SLC7A11: variants seen among roughly 807,000 people sequenced by gnomAD.
SLC7A11 encodes solute carrier family 7 member 11.
SLC7A11 carries 35 observed loss-of-function variants against 54.5 expected under a neutral mutation model. The ratio of observed to expected loss-of-function variants is 0.64; its 90% CI spans 0.49 to 0.85. SLC7A11 has a LOEUF of 0.85. SLC7A11 is among the 40% of genes least tolerant of loss of function. The pLI, the probability that SLC7A11 is intolerant of heterozygous loss-of-function variation, is 0.00. For synonymous variants in SLC7A11, 230 were observed against 225.2 expected, an observed-to-expected ratio of 1.02 and a Z score of -0.19; for missense variants, 583 against 618.1, an observed-to-expected ratio of 0.94 and a Z score of 0.60.
At chr4:138,231,115 T>C (rs1050645048) in intron 3 of SLC7A11, among the ~76,000 whole-genome samples, 9 of 152,130 alleles carry the variant, frequency 5.9e-5, no homozygotes, top group Admixed American at 2.6e-4. Flanking sequence ...TTCTCACTTA[T>C]AAGTGGGAGC....
At chr4:138,181,316 C>T (rs2148412497) in intron 9 of SLC7A11, among the ~76,000 whole-genome samples, 1 of 152,036 alleles carries the variant, frequency 6.6e-6, no homozygotes, top group South Asian at 2.1e-4. Flanking sequence ...ACCTTTTTTC[C>T]TCCACATTTA....
chr4:138,205,974 C>T (rs1448827387), intron 6 of SLC7A11, among the ~76,000 whole-genome samples: 2 of 151,886 alleles, frequency 1.3e-5, no homozygotes, highest in Admixed American at 6.6e-5. Context: ...TTTATCTAGG[C>T]TTGAAATAGT....
chr4:138,207,262 G>A lies in SLC7A11; in HGVS notation c.791+7323C>T, dbSNP rs576736521. On this transcript the variant is annotated intron_variant, in intron 6 of 11. Coordinates refer to ENST00000280612, the MANE Select transcript of SLC7A11 (RefSeq NM_014331.4). The stretch of plus-strand genomic sequence containing the variant: ...ATATTTAATGTTGTCTAAGAATGTA[G>A]ATAACATTGACTTGTAATAAAAAGA... Among the ~76,000 whole-genome samples, 20 of 152,110 alleles carry A rather than the reference G, an allele frequency of 1.3e-4. No homozygotes were observed. In the East Asian group the frequency reaches 3.9e-3, roughly 29 times the overall value.
rs1290015675 is a variant in SLC7A11, at chr4:138,183,277, A to C, written c.944T>G (p.Phe315Cys). The C allele has an allele frequency of 1.9e-5, 30 of 1,611,722 alleles. No individual in the cohort carries two copies. Among genetic ancestry groups the C allele is most frequent in the Non-Finnish European group, 2.5e-5 (29 of 1,178,738 alleles). Residue 315 changes from phenylalanine to cysteine, a missense_variant, in exon 8 of 12, where the codon TTC (phenylalanine) becomes TGC (cysteine). Phe to Cys is a radical substitution (Grantham distance 205, BLOSUM62 -2). Coordinates refer to ENST00000280612, the MANE Select transcript of SLC7A11 (RefSeq NM_014331.4). ...VTFSERLLGN[F>C]SLAVPIFVAL... ...AACAAAGATCGGAACTGCTAATGAGAAATTTCCCAGTAGCCGCTCAGAAAA... is the reference window on the plus strand; with the variant it reads ...AACAAAGATCGGAACTGCTAATGAGCAATTTCCCAGTAGCCGCTCAGAAAA...
At chr4:138,210,421 G>A (rs1437715178) in intron 6 of SLC7A11, among the ~76,000 whole-genome samples, 3 of 151,946 alleles carry the variant, frequency 2.0e-5, no homozygotes, top group African/African-American at 7.2e-5. Context: ...AAGAGCTTCT[G>A]CACAGGAAAA....
chr4:138,188,719 G>A (rs2148417890), intron 6 of SLC7A11, among the ~76,000 whole-genome samples: 1 of 152,276 alleles, frequency 6.6e-6, no homozygotes, highest in South Asian at 2.1e-4. Context: ...ATAATGAAGG[G>A]AATTAGAGGA....
In SLC7A11 at chr4:138,171,918, C is replaced by T; in HGVS notation, c.*38G>A. The T allele has an allele frequency of 6.4e-7, 1 of 1,563,978 alleles. No homozygotes were observed. The highest frequency in any genetic ancestry group is 8.6e-7 in the Non-Finnish European group (1 of 1,163,724). On this transcript the variant is annotated 3_prime_UTR_variant, in exon 12 of 12. Transcript: ENST00000280612. ...AAGTAAAAATCCCTATTTTGTGTCT[C>T]CCCTTGGGCAGATTGCCAAGATCTC...
At chr4:138,180,825 C>T in intron 9 of SLC7A11, 35 bp from the exon 10 acceptor site, 1 of 1,591,900 alleles carries the variant, frequency 6.3e-7, no homozygotes, top group South Asian at 1.1e-5. Flanking sequence ...TTGGTGAATT[C>T]AGTGAAAACA....
chr4:138,212,567 T>G (rs1280557671), intron 6 of SLC7A11, among the ~76,000 whole-genome samples: 2 of 151,038 alleles, frequency 1.3e-5, no homozygotes, highest in African/African-American at 4.9e-5. Context: ...CTGTGTGCAC[T>G]AAATCATGGA....
Position 138,201,987 on chromosome 4 carries a change from A to T in SLC7A11, c.791+12598T>A, listed in dbSNP as rs550558400. 9.9e-5 allele frequency among the ~76,000 whole-genome samples: 15 copies of T among 152,248 alleles called. 1 individual carries two copies. In the South Asian group the frequency reaches 3.1e-3, roughly 32 times the overall value. On this transcript the variant is annotated intron_variant, in intron 6 of 11. Coordinates refer to ENST00000280612, the MANE Select transcript of SLC7A11 (RefSeq NM_014331.4). ...ATGCAATCCTAACTAAATTATGGGGAATGTCTAATACTGAAATGTAGCAGA... is the reference window on the plus strand; with the variant it reads ...ATGCAATCCTAACTAAATTATGGGGTATGTCTAATACTGAAATGTAGCAGA...
intron 3 of SLC7A11, among the ~76,000 whole-genome samples, chr4:138,225,496 TCAATGA>T (rs1198976139): frequency 2.6e-5 from 4 of 151,998 alleles, no homozygotes; most frequent in Admixed American, 2.6e-4. Flanking sequence ...AGGTCTGTTG[TCAATGA>T]CAAAGTGCAT....
Position 138,165,140 on chromosome 4 carries a change from C to G in SLC7A11, c.*6816G>C, listed in dbSNP as rs1736225070. On this transcript the variant is annotated 3_prime_UTR_variant, in exon 12 of 12. Transcript: ENST00000280612. The stretch of plus-strand genomic sequence containing the variant: ...CCTTGGCAACTGAAAATGAAGTTAC[C>G]ATTCCTAGGCCAAATTTTTAGACAA... 6.6e-6 allele frequency: 1 copy of G among 152,450 alleles called. No homozygotes were observed. Among genetic ancestry groups the G allele is most frequent in the Non-Finnish European group, 1.5e-5 (1 of 67,974 alleles). 9.4% of individuals were successfully genotyped at this position (152,450 alleles called of 1,614,324 possible). A position where few individuals can be genotyped will look rare whatever the true frequency, so the allele number is the denominator to read the frequency against.
At chr4:138,190,570 A>G (rs1222071431) in intron 6 of SLC7A11, among the ~76,000 whole-genome samples, 1 of 152,110 alleles carries the variant, frequency 6.6e-6, no homozygotes, top group Non-Finnish European at 1.5e-5. Flanking sequence ...ACTTTTTTGC[A>G]GAAGTACTCT....
At chr4:138,234,945 T>C (rs2148455343) in intron 2 of SLC7A11, among the ~76,000 whole-genome samples, 1 of 152,352 alleles carries the variant, frequency 6.6e-6, no homozygotes, top group Admixed American at 6.5e-5. Context: ...TTCAATTACT[T>C]ATTCAAAAAT....
rs1224586085 is a variant in SLC7A11, at chr4:138,185,872, A to AT, written c.792-629dup. ...TCTAAATGTGGCCATAATTTTGTAT[A>AT]TAAGACAAGAAAGCACAGAAGTGTT... is the stretch of plus-strand genomic sequence containing the variant. On this transcript the variant is annotated intron_variant, in intron 6 of 11. Transcript: ENST00000280612. Among the ~76,000 whole-genome samples the AT allele has an allele frequency of 2.0e-5, 3 of 152,272 alleles. No individual in the cohort carries two copies. The East Asian group carries it at 5.8e-4, about 29-fold the overall frequency.
rs776660104 is a variant in SLC7A11 at position 138,236,332 on chromosome 4, T to C, written c.397A>G (p.Ile133Val). 15 of 1,610,780 alleles carry C rather than the reference T, an allele frequency of 9.3e-6. No individual in the cohort carries two copies. The East Asian group carries it at 1.8e-4, about 19-fold the overall frequency. Residue 133 changes from isoleucine to valine, a missense_variant, in exon 2 of 12, where the codon ATA becomes GTA. Physicochemically the swap from Ile to Val is conservative, Grantham distance 29. Transcript: ENST00000280612. ...AFVRVWVELL[I>V]IRPAATAVIS... is the part of the protein sequence containing the mutation. ...TTTCTACTATGCTCTTACCGTATTA[T>C]GAGGAGTTCCACCCAGACTCGTACA...
intron 1 of SLC7A11, among the ~76,000 whole-genome samples, chr4:138,237,845 G>A (rs544264513): frequency 7.2e-6 from 1 of 139,336 alleles, no homozygotes; most frequent in East Asian, 2.2e-4. Context: ...TCTGTCTCCA[G>A]GGTTCAAGTG....
At chr4:138,234,039 A>G (rs1738146949) in intron 2 of SLC7A11, among the ~76,000 whole-genome samples, 1 of 152,200 alleles carries the variant, frequency 6.6e-6, no homozygotes, top group South Asian at 2.1e-4. Flanking sequence ...CACAGTGCTT[A>G]TCACAATAGC....
chr4:138,192,563 G>A lies in SLC7A11; in HGVS notation c.792-7319C>T, dbSNP rs529334008. On this transcript the variant is annotated intron_variant, in intron 6 of 11. Transcript: ENST00000280612. ...GCATTATTCTAACTAATAAAAGAAT[G>A]AAGGACCTCATTATATCAAGACTTT... is the stretch of plus-strand genomic sequence containing the variant. Among the ~76,000 whole-genome samples the A allele has an allele frequency of 1.9e-3, 281 of 146,216 alleles. 1 individual carries two copies. The highest frequency in any genetic ancestry group is 6.6e-3 in the African/African-American group (265 of 40,360).
Sources: allele counts gnomAD v4.1 joint callset (sites outside exome capture counted in the v4.1 genomes callset), GRCh38; gene constraint gnomAD v4.1.1; transcripts MANE v1.5; gene names NCBI Gene and HGNC (gene_info 2026-07-23, HGNC 2026-07-21).